TANC1: variants seen among roughly 807,000 people sequenced by gnomAD.
TANC1 encodes tetratricopeptide repeat, ankyrin repeat and coiled-coil containing 1.
TANC1 carries 77 observed loss-of-function variants against 149.7 expected under a neutral mutation model. The ratio of observed to expected loss-of-function variants is 0.51; its 90% CI spans 0.43 to 0.62. The LOEUF (loss-of-function observed/expected upper bound fraction) is 0.62. Ranked by LOEUF, TANC1 falls within the 20% of genes least tolerant of loss-of-function variation. The pLI, the probability that TANC1 is intolerant of heterozygous loss-of-function variation, is 0.00. For synonymous variants in TANC1, 854 were observed against 925.0 expected, an observed-to-expected ratio of 0.92 and a Z score of 1.39; for missense variants, 1,985 against 2,321.8, an observed-to-expected ratio of 0.85 and a Z score of 2.98.
chr2:159,065,311 G>A (rs2149689902), intron 2 of TANC1, among the ~76,000 whole-genome samples: 1 of 152,224 alleles, frequency 6.6e-6, no homozygotes, highest in South Asian at 2.1e-4. Context: ...CCTATATATT[G>A]TAAAAACCCA....
chr2:159,192,229 T>C (rs2057499261), intron 16 of TANC1, among the ~76,000 whole-genome samples: 1 of 152,222 alleles, frequency 6.6e-6, no homozygotes, highest in Non-Finnish European at 1.5e-5. Context: ...ATATTTTCTG[T>C]TTCTTTTAGG....
chr2:159,060,530 A>G (rs1426064539), intron 2 of TANC1, among the ~76,000 whole-genome samples: 1 of 152,232 alleles, frequency 6.6e-6, no homozygotes, highest in Non-Finnish European at 1.5e-5. Flanking sequence ...GTGAATATAT[A>G]GGAATATTCT....
intron 4 of TANC1, among the ~76,000 whole-genome samples, chr2:159,128,086 G>A (rs2049667230): frequency 6.6e-6 from 1 of 152,174 alleles, no homozygotes; most frequent in South Asian, 2.1e-4. Context: ...CTATCAGCAG[G>A]TGACACACTT....
intron 2 of TANC1, among the ~76,000 whole-genome samples, chr2:159,003,469 C>T (rs1357050423): frequency 6.6e-6 from 1 of 152,174 alleles, no homozygotes; most frequent in African/African-American, 2.4e-5. Flanking sequence ...CTGGCTTTTA[C>T]TAGGCACTCT....
At chr2:159,228,044 A>G in intron 25 of TANC1, 79 bp downstream of exon 25, 10 of 1,494,286 alleles carry the variant, frequency 6.7e-6, no homozygotes, top group Non-Finnish European at 9.0e-6. Context: ...GCCCTTCTCC[A>G]GACCAGATCC....
At chr2:159,188,552 C>A (rs939546846) in intron 16 of TANC1, among the ~76,000 whole-genome samples, 2 of 152,254 alleles carry the variant, frequency 1.3e-5, no homozygotes, top group Admixed American at 6.5e-5. Flanking sequence ...GGTTGCAGTT[C>A]TTTTCTCAGC....
At chr2:159,169,424 A>G (rs915800032) in intron 9 of TANC1, 52 bp downstream of exon 9, 5 of 1,589,836 alleles carry the variant, frequency 3.1e-6, no homozygotes, top group Non-Finnish European at 4.3e-6. Flanking sequence ...CTCAGTCAGT[A>G]ACTTTGAAAG....
intron 1 of TANC1, among the ~76,000 whole-genome samples, chr2:158,974,591 C>T (rs2033397494): frequency 1.3e-5 from 2 of 152,132 alleles, no homozygotes; most frequent in Non-Finnish European, 2.9e-5. Flanking sequence ...TGCCACCACG[C>T]CTGGCTAATT....
rs937351809 is a variant in TANC1 at position 159,224,174 on chromosome 2, G to A, written c.3679-58G>A. Reference sequence around the variant, plus strand: ...GCTAAGACTGCCCACCCCTAAATCCGTGTGCGCCCCTGAACTCCTGTTCCC... The same window carrying A: ...GCTAAGACTGCCCACCCCTAAATCCATGTGCGCCCCTGAACTCCTGTTCCC... On this transcript the variant is annotated intron_variant, in intron 22 of 26. Transcript: ENST00000263635. 2.6e-5 allele frequency: 41 copies of A among 1,605,102 alleles called. 1 individual carries two copies. The South Asian group carries it at 2.9e-4, about 11-fold the overall frequency.
Position 159,150,247 on chromosome 2 carries a change from G to GA in TANC1, c.496-122dup, listed in dbSNP as rs888859527. On this transcript the variant is annotated intron_variant, in intron 6 of 26. Coordinates refer to ENST00000263635, the MANE Select transcript of TANC1 (RefSeq NM_033394.3). ...ATATCTATACACACATATCTCTTTA[G>GA]ATTTTTTTTTTAAAACTTCCGTTTT... 6.8e-6 allele frequency: 5 copies of GA among 731,402 alleles called. No individual in the cohort carries two copies. The African/African-American group carries it at 8.9e-5, about 13-fold the overall frequency. The allele number at this position is 731,402 out of a possible 1,614,324, so 45.3% of individuals were successfully genotyped here.
chr2:159,130,262 A>G (rs1159559435), intron 4 of TANC1, among the ~76,000 whole-genome samples: 1 of 152,220 alleles, frequency 6.6e-6, no homozygotes, highest in Non-Finnish European at 1.5e-5. Flanking sequence ...ATTATTATGT[A>G]GTATTACATT....
chr2:159,053,188 A>G lies in TANC1; in HGVS notation c.-15-12708A>G, dbSNP rs989476560. Reference sequence around the variant, plus strand: ...TGTTTTCTAGCATGCCTTGTCTGTGACTTTTATCATCTGGAGCTCTGGTAT... The same window carrying G: ...TGTTTTCTAGCATGCCTTGTCTGTGGCTTTTATCATCTGGAGCTCTGGTAT... On this transcript the variant is annotated intron_variant, in intron 2 of 26. Coordinates refer to ENST00000263635, the MANE Select transcript of TANC1 (RefSeq NM_033394.3). Among the ~76,000 whole-genome samples, 18 of 150,586 alleles carry G rather than the reference A, an allele frequency of 1.2e-4. No individual in the cohort carries two copies. In the East Asian group the frequency reaches 1.6e-3, roughly 13 times the overall value.
intron 2 of TANC1, among the ~76,000 whole-genome samples, chr2:159,010,795 C>T (rs2037682155): frequency 6.6e-6 from 1 of 150,480 alleles, no homozygotes; most frequent in African/African-American, 2.4e-5. Context: ...CACTCATTCA[C>T]ACTGGATCTT....
At chr2:159,194,682 C>T (rs2057719611) in intron 17 of TANC1, among the ~76,000 whole-genome samples, 189 bp downstream of exon 17, 1 of 152,232 alleles carries the variant, frequency 6.6e-6, no homozygotes, top group Non-Finnish European at 1.5e-5. Context: ...TCATACACAG[C>T]AACTCTGCTT....
In TANC1 at chr2:159,196,638, G is replaced by A; in HGVS notation, c.3010G>A (p.Ala1004Thr). The A allele has an allele frequency of 6.2e-7, 1 of 1,611,034 alleles. No individual in the cohort carries two copies. The highest frequency in any genetic ancestry group is 8.5e-7 in the Non-Finnish European group (1 of 1,177,904). The change falls in exon 18 of 27, where the codon GCG becomes ACG. Residue 1004 changes from alanine to threonine, a missense_variant. Physicochemically the swap from Ala to Thr is moderately conservative, Grantham distance 58. This residue lies in a region of TANC1 where 508 missense variants were observed against 714.2 expected (regional missense o/e 0.71). Coordinates refer to ENST00000263635, the MANE Select transcript of TANC1 (RefSeq NM_033394.3). ...VDHLDKKGQC[A>T]LVHSALRGHG... ...CCACTTGGATAAGAAGGGCCAGTGT[G>A]CGCTTGTCCACAGTGCCCTACGGGG...
At chr2:159,126,556 C>G (rs2049472831) in intron 4 of TANC1, among the ~76,000 whole-genome samples, 1 of 152,314 alleles carries the variant, frequency 6.6e-6, no homozygotes, top group South Asian at 2.1e-4. Flanking sequence ...CCATTTCTGA[C>G]CCAAAGTATA....
intron 2 of TANC1, among the ~76,000 whole-genome samples, chr2:159,053,281 A>G (rs2041604533): frequency 6.6e-6 from 1 of 151,740 alleles, no homozygotes. Context: ...CTTAAGGGAA[A>G]AAAAAAAAAG....
intron 2 of TANC1, among the ~76,000 whole-genome samples, chr2:159,046,589 C>CTTTTTTTTTTTTTTTTTTTTTT (rs57208685): frequency 4.7e-5 from 4 of 84,398 alleles, no homozygotes; most frequent in Non-Finnish European, 6.3e-5. Flanking sequence ...CTTTTCTTTA[C>CTTTTTTTTTTTTTTTTTTTTTT]TTTTTTTTTT....
Position 159,229,846 on chromosome 2 carries a change from A to C in TANC1, c.4420A>C (p.Thr1474Pro), listed in dbSNP as rs760067178. 6.2e-7 allele frequency: 1 copy of C among 1,613,922 alleles called. No individual in the cohort carries two copies. Among genetic ancestry groups the C allele is most frequent in the Non-Finnish European group, 8.5e-7 (1 of 1,180,006 alleles). ...TCCCCAGGAAGAATCTGTTTCCCCAACTCCCAGGTCCCAGCCATCCTCATC... is the reference window on the plus strand; with the variant it reads ...TCCCCAGGAAGAATCTGTTTCCCCACCTCCCAGGTCCCAGCCATCCTCATC... The part of the protein sequence containing the change: ...TSPQEESVSP[T>P]PRSQPSSSVP... The change falls in exon 27 of 27, where the codon ACT becomes CCT. Residue 1474 changes from threonine (T) to proline (P), a missense_variant. Transcript: ENST00000263635.
Sources: allele counts gnomAD v4.1 joint callset (sites outside exome capture counted in the v4.1 genomes callset), GRCh38; gene constraint gnomAD v4.1.1; regional missense constraint gnomAD v4.1.1; transcripts MANE v1.5; gene names NCBI Gene and HGNC (gene_info 2026-07-23, HGNC 2026-07-21).